Variants in EYA4 observed in about 807,000 individuals in gnomAD.
The protein encoded by EYA4 is EYA transcriptional coactivator and phosphatase 4.
In EYA4, 31 loss-of-function variants were observed where a neutral mutation model predicts 87.9. The observed-to-expected ratio is 0.35, with a 90% CI of 0.27 to 0.48. EYA4 has a LOEUF of 0.48. Ranked by LOEUF, EYA4 falls within the 20% of genes least tolerant of loss-of-function variation. The probability of loss-of-function intolerance (pLI) is 0.99; values close to 1 mark genes in which losing one functional copy is unlikely to be tolerated. For synonymous variants in EYA4, 263 were observed against 270.6 expected, an observed-to-expected ratio of 0.97 and a Z score of 0.28; for missense variants, 678 against 761.4, an observed-to-expected ratio of 0.89 and a Z score of 1.29.
At position 133,385,389 on chromosome 6, in the gene EYA4, C is replaced by CTGTG. The variant is rs1189948869; in HGVS notation, c.83+2949_83+2950insGTGT. ...TCCTCTGTGTGTGTATGTATGCTCT[C>CTGTG]TCTGTGTGTGTGTGTGTGTGTGTGT... On this transcript the variant is annotated intron_variant, in intron 3 of 19. Transcript: ENST00000355286. 9.3e-3 allele frequency among the ~76,000 whole-genome samples: 600 copies of CTGTG among 64,608 alleles called. 2 individuals carry two copies. The highest frequency in any genetic ancestry group is 0.021 in the South Asian group (25 of 1,168). The allele number at this position is 64,608 out of a possible 152,430, so 42.4% of individuals were successfully genotyped here.
At chr6:133,395,742 C>T (rs1344379289) in intron 3 of EYA4, among the ~76,000 whole-genome samples, 2 of 152,260 alleles carry the variant, frequency 1.3e-5, no homozygotes, top group South Asian at 2.1e-4. Context: ...GCCTGGGTGA[C>T]AGAGCAAGAC....
intron 1 of EYA4, among the ~76,000 whole-genome samples, chr6:133,251,931 C>T (rs780407761): frequency 8.5e-5 from 13 of 152,174 alleles, no homozygotes; most frequent in Non-Finnish European, 1.8e-4. Flanking sequence ...TCAAACAATT[C>T]TCATTAGTCT....
intron 2 of EYA4, among the ~76,000 whole-genome samples, chr6:133,286,573 AT>A (rs144077865): frequency 0.032 from 4,850 of 152,154 alleles, 254 homozygotes; most frequent in African/African-American, 0.11. Flanking sequence ...CATTCAGTGA[AT>A]TTTCCTCCGA....
At chr6:133,334,041 G>C (rs296416) in intron 2 of EYA4, among the ~76,000 whole-genome samples, 37,737 of 151,978 alleles carry the variant, frequency 0.25, 5,646 homozygotes, top group Middle Eastern at 0.35. Flanking sequence ...TGACCACTTA[G>C]TGTAATTAAA....
Position 133,393,971 on chromosome 6 carries a change from G to A in EYA4, c.83+11530G>A, listed in dbSNP as rs373987853. Among the ~76,000 whole-genome samples the A allele has an allele frequency of 4.6e-5, 7 of 152,302 alleles. No individual in the cohort carries two copies. The East Asian group carries it at 1.2e-3, about 25-fold the overall frequency. On this transcript the variant is annotated intron_variant, in intron 3 of 19. Coordinates refer to ENST00000355286, the MANE Select transcript of EYA4 (RefSeq NM_004100.5). ...AATAGAGATTCCAAAATTTTGATTT[G>A]TAAAGGTACAGAGATTCTGCTTATT...
Position 133,307,849 on chromosome 6 carries a change from G to T in EYA4, c.33+33036G>T, listed in dbSNP as rs544731713. Among the ~76,000 whole-genome samples the T allele has an allele frequency of 3.3e-5, 5 of 152,272 alleles. No homozygotes were observed. The East Asian group carries it at 9.6e-4, about 29-fold the overall frequency. ...ACATGGCTAGTGATATGGTTTGATT[G>T]TGTCATGACCCAAATCTTATCTTGA... On this transcript the variant is annotated intron_variant, in intron 2 of 19. Coordinates refer to ENST00000355286, the MANE Select transcript of EYA4 (RefSeq NM_004100.5).
rs1794475262 is a variant in EYA4, at chr6:133,462,391, G to A, written c.494G>A (p.Gly165Asp). The A allele has an allele frequency of 6.2e-7, 1 of 1,614,000 alleles. No homozygotes were observed. Among genetic ancestry groups the A allele is most frequent in the Non-Finnish European group, 8.5e-7 (1 of 1,179,940 alleles). ...GCTCAAACAATGTCTGCCTATGCAG[G>A]CCAGACTCAGTATTCGGGGATGCAG... Reference protein sequence around the residue: ...PAAQTMSAYAGQTQYSGMQQP... With the variant: ...PAAQTMSAYADQTQYSGMQQP... Residue 165 changes from glycine (G) to aspartate (D), a missense_variant, in exon 8 of 20, where the codon GGC (glycine) becomes GAC (aspartate). Physicochemically the swap from Gly to Asp is moderately conservative, Grantham distance 94. Coordinates refer to ENST00000355286, the MANE Select transcript of EYA4 (RefSeq NM_004100.5).
At chr6:133,355,290 G>C (rs2128433945) in intron 2 of EYA4, among the ~76,000 whole-genome samples, 1 of 152,158 alleles carries the variant, frequency 6.6e-6, no homozygotes, top group East Asian at 1.9e-4. Flanking sequence ...TCCCCACTAT[G>C]TGTTTGTGCA....
chr6:133,365,180 G>T (rs1340458787), intron 2 of EYA4, among the ~76,000 whole-genome samples: 2 of 152,084 alleles, frequency 1.3e-5, no homozygotes, highest in Non-Finnish European at 2.9e-5. Context: ...GATATTGATC[G>T]CTTGGTTGGG....
chr6:133,448,040 G>T (rs1025837214), intron 4 of EYA4, 71 bp from the exon 5 acceptor site: 3 of 1,170,974 alleles, frequency 2.6e-6, no homozygotes, highest in Non-Finnish European at 3.9e-6. Flanking sequence ...ACCAGTGCAA[G>T]CATTGAAGAT....
At chr6:133,293,485 C>T (rs1778656705) in intron 2 of EYA4, among the ~76,000 whole-genome samples, 3 of 152,046 alleles carry the variant, frequency 2.0e-5, no homozygotes, top group African/African-American at 7.2e-5. Context: ...AGAAAGGCAA[C>T]ATAGTATTTT....
intron 2 of EYA4, among the ~76,000 whole-genome samples, chr6:133,309,237 G>A (rs1212545572): frequency 6.6e-6 from 1 of 151,712 alleles, no homozygotes; most frequent in African/African-American, 2.4e-5. Context: ...TATAGGTTAT[G>A]AAAAAAATCC....
chr6:133,384,038 T>C lies in EYA4; in HGVS notation c.83+1597T>C, dbSNP rs1285101152. On this transcript the variant is annotated intron_variant, in intron 3 of 19. Transcript: ENST00000355286. ...TTGGGAGTTAGGAAAAACAGAACAATATAATCATCCTTATTATTAATATTT... is the reference window on the plus strand; with the variant it reads ...TTGGGAGTTAGGAAAAACAGAACAACATAATCATCCTTATTATTAATATTT... Among the ~76,000 whole-genome samples, 6 of 152,330 alleles carry C rather than the reference T, an allele frequency of 3.9e-5. No individual in the cohort carries two copies. In the East Asian group the frequency reaches 1.2e-3, roughly 29 times the overall value.
chr6:133,448,401 T>A (rs1374187240), intron 5 of EYA4, among the ~76,000 whole-genome samples: 2 of 152,220 alleles, frequency 1.3e-5, no homozygotes, highest in Admixed American at 1.3e-4. Flanking sequence ...AGTATTCTTT[T>A]CTTAAATTTT....
At chr6:133,463,643 G>A (rs1794603868) in intron 9 of EYA4, among the ~76,000 whole-genome samples, 1 of 152,132 alleles carries the variant, frequency 6.6e-6, no homozygotes, top group Non-Finnish European at 1.5e-5. Context: ...TTACAGGCGT[G>A]AGCCACCATG....
intron 11 of EYA4, 82 bp from the exon 12 acceptor site, chr6:133,481,381 T>G: frequency 2.2e-6 from 3 of 1,340,118 alleles, no homozygotes; most frequent in Non-Finnish European, 3.2e-6. Context: ...GTATAGGAAT[T>G]TGTTAAGATA....
intron 3 of EYA4, among the ~76,000 whole-genome samples, chr6:133,414,199 A>G (rs573620819): frequency 2.3e-4 from 35 of 151,922 alleles, no homozygotes; most frequent in African/African-American, 7.7e-4. Flanking sequence ...CCGATCCTCC[A>G]TGTTCTCTAT....
At chr6:133,451,250 A>G (rs1001786964) in intron 5 of EYA4, among the ~76,000 whole-genome samples, 6 of 152,200 alleles carry the variant, frequency 3.9e-5, no homozygotes, top group Non-Finnish European at 2.9e-5. Context: ...TCTCCTTTTG[A>G]TATTTTTCAG....
intron 2 of EYA4, among the ~76,000 whole-genome samples, chr6:133,328,615 T>C (rs1781684452): frequency 6.6e-6 from 1 of 152,176 alleles, no homozygotes; most frequent in Admixed American, 6.5e-5. Context: ...AAAATTAATT[T>C]AAGATTTCCT....
Sources: gnomAD v4.1 joint callset for allele counts (sites outside exome capture counted in the v4.1 genomes callset) on GRCh38, gnomAD v4.1.1 for gene constraint, MANE v1.5 for transcripts, NCBI Gene and HGNC (gene_info 2026-07-23, HGNC 2026-07-21) for gene names.